Variants in TULP4 observed in about 807,000 individuals in gnomAD.
TULP4 encodes the protein TUB like protein 4.
In TULP4, 16 loss-of-function variants were observed where a neutral mutation model predicts 129.0. The observed-to-expected ratio is 0.12, with a 90% CI of 0.08 to 0.19. The LOEUF is 0.19. Ranked by LOEUF, TULP4 falls within the 10% of genes least tolerant of loss-of-function variation. The pLI, the probability that TULP4 is intolerant of heterozygous loss-of-function variation, is 1.00. For synonymous variants in TULP4, 998 were observed against 854.0 expected (o/e 1.17, Z -2.94); for missense variants, 1,842 against 2,059.1 (o/e 0.89, Z 2.04).
rs115958615 is a variant in TULP4 at position 158,455,872 on chromosome 6, C to T, written c.859+3604C>T. Among the ~76,000 whole-genome samples, 797 of 152,284 alleles carry T rather than the reference C, an allele frequency of 5.2e-3. 7 individuals are homozygous for T. Among genetic ancestry groups the T allele is most frequent in the African/African-American group, 0.018 (747 of 41,546 alleles). ...ACAGAGAAAAAGCTTCCCTTCTGTC[C>T]TCTCTGAAGGTTCCCTGAAATGACT... is the stretch of plus-strand genomic sequence containing the variant. On this transcript the variant is annotated intron_variant, in intron 5 of 13. Coordinates refer to ENST00000367097, the MANE Select transcript of TULP4 (RefSeq NM_020245.5).
Position 158,481,922 on chromosome 6 carries a change from C to T in TULP4, c.1486+633C>T, listed in dbSNP as rs570916486. ...AGCTTCAGAGGGAAGGGACTTTGTTCTTTTTTTGTGCCACTTGGTACTAGG... is the reference window on the plus strand; with the variant it reads ...AGCTTCAGAGGGAAGGGACTTTGTTTTTTTTTTGTGCCACTTGGTACTAGG... On this transcript the variant is annotated intron_variant, in intron 8 of 13. Transcript: ENST00000367097. Among the ~76,000 whole-genome samples the T allele has an allele frequency of 3.9e-5, 6 of 152,272 alleles. No individual in the cohort carries two copies. The East Asian group carries it at 9.7e-4, about 24-fold the overall frequency.
intron 1 of TULP4, among the ~76,000 whole-genome samples, chr6:158,326,908 A>T (rs1779758822): frequency 6.6e-6 from 1 of 152,198 alleles, no homozygotes; most frequent in African/African-American, 2.4e-5. Flanking sequence ...TATTTCTGGG[A>T]TGCAAAATCC....
At chr6:158,357,939 G>A (rs181699238) in intron 1 of TULP4, among the ~76,000 whole-genome samples, 1 of 152,168 alleles carries the variant, frequency 6.6e-6, no homozygotes, top group East Asian at 1.9e-4. Context: ...GTGAGGTTGG[G>A]TGTGACGCTC....
At chr6:158,443,959 C>T (rs896850031) in intron 3 of TULP4, among the ~76,000 whole-genome samples, 2 of 152,030 alleles carry the variant, frequency 1.3e-5, no homozygotes, top group East Asian at 1.9e-4. Flanking sequence ...GTGGCTCACG[C>T]CTGTAATCCC....
chr6:158,288,992 T>G (rs1025370707), intron 1 of TULP4, among the ~76,000 whole-genome samples: 5 of 152,238 alleles, frequency 3.3e-5, no homozygotes, highest in Non-Finnish European at 7.3e-5. Flanking sequence ...TGAGTTTGTG[T>G]AATACTGCTG....
At chr6:158,477,748 C>T (rs1473460796) in intron 6 of TULP4, among the ~76,000 whole-genome samples, 4 of 152,140 alleles carry the variant, frequency 2.6e-5, no homozygotes, top group Non-Finnish European at 5.9e-5. Context: ...ACCCAGCAAT[C>T]CCATTACTGG....
At chr6:158,336,700 A>G (rs1037910260) in intron 1 of TULP4, among the ~76,000 whole-genome samples, 3 of 152,206 alleles carry the variant, frequency 2.0e-5, no homozygotes, top group Non-Finnish European at 4.4e-5. Flanking sequence ...AATGCCTTCT[A>G]AAAATAGATA....
chr6:158,406,874 A>C (rs1005705462), intron 1 of TULP4, among the ~76,000 whole-genome samples: 2 of 152,370 alleles, frequency 1.3e-5, no homozygotes, highest in South Asian at 4.1e-4. Context: ...TTCCTGGTAC[A>C]TGTCCTAAGG....
Position 158,507,957 on chromosome 6 carries a change from G to A in TULP4, c.*1263G>A, listed in dbSNP as rs1041892993. ...AAAAAAGTTGTTTATTAACTGTACA[G>A]ACTGTTTACTAAGGAGCTAAACCAC... is the stretch of plus-strand genomic sequence containing the variant. On this transcript the variant is annotated 3_prime_UTR_variant, in exon 14 of 14. Coordinates refer to ENST00000367097, the MANE Select transcript of TULP4 (RefSeq NM_020245.5). 6.6e-6 allele frequency: 1 copy of A among 152,100 alleles called. No homozygotes were observed. Among genetic ancestry groups the A allele is most frequent in the Admixed American group, 6.5e-5 (1 of 15,278 alleles). The allele number at this position is 152,100 out of a possible 1,614,324, so 9.4% of individuals were successfully genotyped here. A position where few individuals can be genotyped will look rare whatever the true frequency, so the allele number is the denominator to read the frequency against.
chr6:158,445,091 G>A (rs2115117352), intron 3 of TULP4, among the ~76,000 whole-genome samples: 1 of 152,342 alleles, frequency 6.6e-6, no homozygotes, highest in Non-Finnish European at 1.5e-5. Context: ...TGGGATTACA[G>A]GTGTGAGCCG....
intron 1 of TULP4, among the ~76,000 whole-genome samples, chr6:158,298,887 C>A (rs1248157970): frequency 6.6e-6 from 1 of 152,096 alleles, no homozygotes; most frequent in Non-Finnish European, 1.5e-5. Context: ...GAGGAGCATA[C>A]CTGGGTCAAG....
At chr6:158,233,566 G>A (rs980792043) in intron 1 of TULP4, among the ~76,000 whole-genome samples, 3 of 152,216 alleles carry the variant, frequency 2.0e-5, no homozygotes, top group Admixed American at 2.0e-4. Flanking sequence ...CGCAGCGCCA[G>A]ATTGCTGGGG....
chr6:158,496,959 C>A (rs542901716), intron 11 of TULP4, among the ~76,000 whole-genome samples: 3 of 152,206 alleles, frequency 2.0e-5, no homozygotes, highest in Non-Finnish European at 2.9e-5. Flanking sequence ...GTGATTCTCC[C>A]ACCTCAGCCT....
rs79570282 is a variant in TULP4 at position 158,493,777 on chromosome 6, C to T, written c.1776+60C>T. 2.1e-3 allele frequency: 3,061 copies of T among 1,467,474 alleles called. 56 individuals are homozygous for T. The African/African-American group carries it at 0.039, about 19-fold the overall frequency. The allele number at this position is 1,467,474 out of a possible 1,614,324, so 90.9% of individuals were successfully genotyped here. On this transcript the variant is annotated intron_variant, in intron 10 of 13. Coordinates refer to ENST00000367097, the MANE Select transcript of TULP4 (RefSeq NM_020245.5). The surrounding 1 kb of genome is among the most constrained non-coding windows in gnomAD (Gnocchi z 4.4). ...CCTCCTGGGGGCTATGCCCAGAGGG[C>T]CCCTTCCTACCCGCCGCCTGCACTG... is the stretch of plus-strand genomic sequence containing the variant.
chr6:158,359,236 C>A (rs931082503), intron 1 of TULP4, among the ~76,000 whole-genome samples: 2 of 151,980 alleles, frequency 1.3e-5, no homozygotes, highest in African/African-American at 4.8e-5. Flanking sequence ...AGAAACACCC[C>A]CTTTTGAAAG....
chr6:158,287,370 G>A lies in TULP4; in HGVS notation n.116+4992G>A, dbSNP rs147489638. Among the ~76,000 whole-genome samples, 7 of 152,242 alleles carry A rather than the reference G, an allele frequency of 4.6e-5. No individual in the cohort carries two copies. The East Asian group carries it at 1.3e-3, about 29-fold the overall frequency. On this transcript the variant is annotated intron_variant and non_coding_transcript_variant, in intron 1 of 1. Transcript: ENST00000432358. ...AAAAGTATTTTTATTCCTATGTAGG[G>A]TCATTTGTTTCTAGAGTAGAACAGT... is the stretch of plus-strand genomic sequence containing the variant.
chr6:158,505,895 G>T (rs1780589709), intron 13 of TULP4, among the ~76,000 whole-genome samples: 1 of 151,302 alleles, frequency 6.6e-6, no homozygotes, highest in Non-Finnish European at 1.5e-5. Context: ...AGATTCAGGG[G>T]TACATGTGCT....
intron 1 of TULP4, among the ~76,000 whole-genome samples, chr6:158,316,938 G>A (rs1779505602): frequency 6.6e-6 from 1 of 152,206 alleles, no homozygotes. Context: ...TCAAGGCCAG[G>A]AGGAGAGTAT....
At chr6:158,341,230 C>G (rs941741774) in intron 1 of TULP4, among the ~76,000 whole-genome samples, 9 of 152,090 alleles carry the variant, frequency 5.9e-5, no homozygotes, top group African/African-American at 1.7e-4. Context: ...AACATAATGT[C>G]CTCCAGTTCC....
Sources: allele counts gnomAD v4.1 joint callset (sites outside exome capture counted in the v4.1 genomes callset), GRCh38; gene constraint gnomAD v4.1.1; non-coding constraint Gnocchi (gnomAD v3.1); transcripts MANE v1.5; gene names NCBI Gene and HGNC (gene_info 2026-07-23, HGNC 2026-07-21).